The following TPPP variants were observed in gnomAD, a reference collection of about 807,000 sequenced individuals.
TPPP encodes tubulin polymerization promoting protein, also known as tubulin polymerization-promoting protein.
In TPPP, 6 loss-of-function variants were observed where a neutral mutation model predicts 15.5. The observed-to-expected ratio is 0.39, with a 90% CI of 0.21 to 0.77. TPPP has a LOEUF of 0.77. Among genes scored for constraint, TPPP ranks in the 30% least tolerant of loss-of-function variants. The probability of loss-of-function intolerance (pLI) is 0.42; values close to 1 mark genes in which losing one functional copy is unlikely to be tolerated. For missense variants in TPPP, 269 were observed against 307.2 expected, an observed-to-expected ratio of 0.88 and a Z score of 0.93; for synonymous variants, 146 against 133.9, an observed-to-expected ratio of 1.09 and a Z score of -0.63.
Position 665,959 on chromosome 5 carries a change from GC to G in TPPP, c.465+10del, listed in dbSNP as rs775608494. The G allele has an allele frequency of 9.9e-6, 4 of 403,630 alleles. No individual in the cohort carries two copies. The highest frequency in any genetic ancestry group is 8.5e-5 in the Admixed American group (2 of 23,434). The allele number at this position is 403,630 out of a possible 1,614,324, so 25.0% of individuals were successfully genotyped here. A position where few individuals can be genotyped will look rare whatever the true frequency, so the allele number is the denominator to read the frequency against. ...CCTCCAGGCCCCGCCTTCCATCCCC[GC>G]CCTGCTCACCGTCACCCCTGAGATG... On this transcript the variant is annotated intron_variant, in intron 3 of 3. Coordinates refer to ENST00000360578, the MANE Select transcript of TPPP (RefSeq NM_007030.3).
At chr5:675,675 C>T (rs1019016275) in intron 2 of TPPP, among the ~76,000 whole-genome samples, 22 of 151,970 alleles carry the variant, frequency 1.4e-4, no homozygotes, top group African/African-American at 4.4e-4. Flanking sequence ...AGCCCCAGCC[C>T]TTGTTGGGCC....
chr5:678,110 A>T, intron 1 of TPPP, 46 bp from the exon 2 acceptor site: 1 of 1,453,190 alleles, frequency 6.9e-7, no homozygotes, highest in Non-Finnish European at 9.1e-7. Context: ...GCCATGTCCC[A>T]GCTGAGCCGG....
At chr5:674,450 G>T (rs532709673) in intron 2 of TPPP, among the ~76,000 whole-genome samples, 1 of 151,084 alleles carries the variant, frequency 6.6e-6, no homozygotes, top group East Asian at 1.9e-4. Context: ...ACCTGCTTCT[G>T]CGTGGGCTAA....
intron 1 of TPPP, among the ~76,000 whole-genome samples, chr5:679,245 C>T (rs1740550490): frequency 6.6e-6 from 1 of 152,128 alleles, no homozygotes; most frequent in Non-Finnish European, 1.5e-5. Context: ...CCCAAAACAG[C>T]CAGAAAAAAA....
intron 2 of TPPP, among the ~76,000 whole-genome samples, chr5:675,571 G>A (rs1297536504): frequency 6.9e-6 from 1 of 145,164 alleles, no homozygotes; most frequent in Admixed American, 6.9e-5. Context: ...GTGGCTGGGG[G>A]TGCGGTGTGG....
intron 2 of TPPP, among the ~76,000 whole-genome samples, chr5:668,753 G>A (rs1028791783): frequency 3.3e-5 from 5 of 152,238 alleles, no homozygotes; most frequent in African/African-American, 7.2e-5. Context: ...TGTTCTGCTC[G>A]TAGTCACCAA....
chr5:665,914 T>TCC, intron 3 of TPPP, 56 bp downstream of exon 3: 1 of 459,610 alleles, frequency 2.2e-6, no homozygotes, highest in Non-Finnish European at 2.6e-6. Flanking sequence ...CCACCCACCT[T>TCC]CCAGGCCCCG....
At position 663,245 on chromosome 5, in the gene TPPP, GT is replaced by G. The variant is rs1259946568; in HGVS notation, c.*1856del. On this transcript the variant is annotated 3_prime_UTR_variant, in exon 4 of 4. Coordinates refer to ENST00000360578, the MANE Select transcript of TPPP (RefSeq NM_007030.3). ...GATTCCGAACCGCACATTCAGAGTT[GT>G]TTTCAAATGTTTCCGCACGTTAGTT... is the stretch of plus-strand genomic sequence containing the variant. 2.6e-5 allele frequency: 4 copies of G among 152,266 alleles called. No homozygotes were observed. The highest frequency in any genetic ancestry group is 4.4e-5 in the Non-Finnish European group (3 of 68,016). 9.4% of individuals were successfully genotyped at this position (152,266 alleles called of 1,614,324 possible). A position where few individuals can be genotyped will look rare whatever the true frequency, so the allele number is the denominator to read the frequency against.
intron 1 of TPPP, among the ~76,000 whole-genome samples, chr5:686,420 A>T (rs1740769175): frequency 6.6e-6 from 1 of 152,080 alleles, no homozygotes; most frequent in Non-Finnish European, 1.5e-5. Flanking sequence ...AACACTGCAG[A>T]ACCAGGGGCT....
chr5:675,480 C>CCGGGGGTG, intron 2 of TPPP, among the ~76,000 whole-genome samples: 1 of 109,380 alleles, frequency 9.1e-6, no homozygotes, highest in East Asian at 2.5e-4. Context: ...TGCAGTGTGG[C>CCGGGGGTG]CAGGGGTACA....
chr5:671,149 G>A, intron 2 of TPPP, among the ~76,000 whole-genome samples: 1 of 152,188 alleles, frequency 6.6e-6, no homozygotes. Flanking sequence ...CTGCCTGAGG[G>A]GCCGCCTGGG....
At chr5:665,613 CCCAATCCAT>C (rs1561079883) in intron 3 of TPPP, among the ~76,000 whole-genome samples, 2 of 127,212 alleles carry the variant, frequency 1.6e-5, no homozygotes, top group Non-Finnish European at 3.7e-5. Context: ...GCTATGCCCC[CCCAATCCAT>C]GCCCCTTCAG....
intron 1 of TPPP, among the ~76,000 whole-genome samples, chr5:681,503 G>A (rs560384035): frequency 1.3e-3 from 202 of 152,290 alleles, no homozygotes; most frequent in African/African-American, 4.6e-3. Context: ...ATCCAGATGT[G>A]CACCTGCACC....
intron 1 of TPPP, chr5:692,618 C>G (rs1265338459): frequency 1.0e-6 from 1 of 983,672 alleles, no homozygotes; most frequent in Non-Finnish European, 1.2e-6. Flanking sequence ...CTCAGATCTT[C>G]GGGCGCTGCT....
rs372808821 is a variant in TPPP at position 684,992 on chromosome 5, G to A, written c.-4-6928C>T. Among the ~76,000 whole-genome samples the A allele has an allele frequency of 2.0e-4, 30 of 152,274 alleles. No individual in the cohort carries two copies. The East Asian group carries it at 3.7e-3, about 19-fold the overall frequency. On this transcript the variant is annotated intron_variant, in intron 1 of 3. Transcript: ENST00000360578. ...ACCCAGAGGCCAGACAGGTGCACAC[G>A]GCCGGGGCCGCCCCAGGACACACGT...
At chr5:680,729 G>A (rs1740599236) in intron 1 of TPPP, among the ~76,000 whole-genome samples, 1 of 151,874 alleles carries the variant, frequency 6.6e-6, no homozygotes, top group South Asian at 2.1e-4. Context: ...TGTGCTGAGG[G>A]GTCTCACGTG....
In TPPP at chr5:660,226, TATAA is replaced by T. The variant is rs979550770; in HGVS notation, c.*4872_*4875del. The T allele has an allele frequency of 2.8e-5, 4 of 144,624 alleles. No individual in the cohort carries two copies. The highest frequency in any genetic ancestry group is 1.1e-4 in the African/African-American group (4 of 36,978). The allele number at this position is 144,624 out of a possible 1,614,324, so 9.0% of individuals were successfully genotyped here. A position where few individuals can be genotyped will look rare whatever the true frequency, so the allele number is the denominator to read the frequency against. ...GCACATATATATATATATATATATA[TATAA>T]ATTTGTTTCCCTTTCTTGAAAAAAA... On this transcript the variant is annotated 3_prime_UTR_variant, in exon 4 of 4. Transcript: ENST00000360578.
the TPPP span, among the ~76,000 whole-genome samples, chr5:698,869 C>T: frequency 7.2e-4 from 110 of 152,100 alleles, no homozygotes; most frequent in Admixed American, 1.4e-3. Flanking sequence ...CATTCTTATA[C>T]ACCAATAACA....
At chr5:671,342 C>G (rs1431557016) in intron 2 of TPPP, among the ~76,000 whole-genome samples, 1 of 152,062 alleles carries the variant, frequency 6.6e-6, no homozygotes, top group East Asian at 1.9e-4. Context: ...CCCAGAGGGA[C>G]CCCGGGCAGA....
Sources: allele counts gnomAD v4.1 joint callset (sites outside exome capture counted in the v4.1 genomes callset), GRCh38; gene constraint gnomAD v4.1.1; transcripts MANE v1.5; gene names NCBI Gene and HGNC (gene_info 2026-07-23, HGNC 2026-07-21).